OCA2: variants seen among roughly 807,000 people sequenced by gnomAD.
OCA2 encodes the protein OCA2 melanosomal transmembrane protein, also known as P protein.
A neutral mutation model predicts 100.2 loss-of-function variants in OCA2; 77 were observed. The observed-to-expected ratio is 0.77, with a 90% CI of 0.64 to 0.93. The LOEUF is 0.93. Among genes scored for constraint, OCA2 ranks in the 40% least tolerant of loss-of-function variants. The pLI is 0.00. For missense variants in OCA2, 1,062 were observed against 1,089.1 expected (o/e 0.98, Z 0.35); for synonymous variants, 432 against 439.2 (o/e 0.98, Z 0.21).
rs142851429 is a variant in OCA2 at position 27,973,149 on chromosome 15, C to T, written c.1504-6327G>A. 3.2e-3 allele frequency among the ~76,000 whole-genome samples: 487 copies of T among 152,210 alleles called. 19 individuals carry two copies. The East Asian group carries it at 0.089, about 28-fold the overall frequency. ...CCTCCCAAAGTGCTGGGATTACAGG[C>T]GTGAGCCACCATGCCCAGTCTGCAT... On this transcript the variant is annotated intron_variant, in intron 14 of 23. Transcript: ENST00000354638.
In OCA2 at chr15:27,844,955, G is replaced by C; in HGVS notation, c.2432+4C>G. ...CAGAAAATTTAAAGGGAATTTAAAAGTACCTGAAAAATTCCATGAAGGAGA... is the reference window on the plus strand; with the variant it reads ...CAGAAAATTTAAAGGGAATTTAAAACTACCTGAAAAATTCCATGAAGGAGA... On this transcript the variant is annotated splice_donor_region_variant and intron_variant, in intron 23 of 23. Coordinates refer to ENST00000354638, the MANE Select transcript of OCA2 (RefSeq NM_000275.3). 2 of 1,602,432 alleles carry C rather than the reference G, an allele frequency of 1.2e-6. No homozygotes were observed. Among genetic ancestry groups the C allele is most frequent in the South Asian group, 2.2e-5 (2 of 90,794 alleles).
chr15:28,033,826 C>A (rs1254744999), intron 2 of OCA2, among the ~76,000 whole-genome samples: 1 of 152,172 alleles, frequency 6.6e-6, no homozygotes, highest in Non-Finnish European at 1.5e-5. Flanking sequence ...AACTATAAAT[C>A]TGTAACTGTA....
chr15:28,022,908 G>A (rs1396751765), intron 5 of OCA2, among the ~76,000 whole-genome samples: 2 of 152,166 alleles, frequency 1.3e-5, no homozygotes, highest in East Asian at 3.8e-4. Context: ...ATGTGTTTGT[G>A]GTAGCAGGTG....
intron 23 of OCA2, among the ~76,000 whole-genome samples, chr15:27,788,410 T>G (rs2032921936): frequency 6.6e-6 from 1 of 152,132 alleles, no homozygotes; most frequent in Non-Finnish European, 1.5e-5. Context: ...TATATCATCC[T>G]GATTTATTGA....
At chr15:27,798,775 G>C (rs922915823) in intron 23 of OCA2, among the ~76,000 whole-genome samples, 1 of 152,168 alleles carries the variant, frequency 6.6e-6, no homozygotes, top group Admixed American at 6.5e-5. Context: ...AAAATAACAC[G>C]CAAGGTAACT....
intron 22 of OCA2, among the ~76,000 whole-genome samples, chr15:27,847,979 G>A (rs1456890528): frequency 6.6e-6 from 1 of 152,194 alleles, no homozygotes; most frequent in Non-Finnish European, 1.5e-5. Context: ...CACAGAGCCG[G>A]CCCACACTCA....
chr15:27,882,286 C>A (rs1275124456), intron 19 of OCA2, among the ~76,000 whole-genome samples: 1 of 152,190 alleles, frequency 6.6e-6, no homozygotes, highest in Non-Finnish European at 1.5e-5. Context: ...ATAATTTACA[C>A]TGATCTATTT....
At chr15:27,876,122 A>G (rs1014131085) in intron 19 of OCA2, among the ~76,000 whole-genome samples, 1 of 152,084 alleles carries the variant, frequency 6.6e-6, no homozygotes, top group Admixed American at 6.6e-5. Context: ...GTTTTTCGCC[A>G]TGAAGTATAA....
the OCA2 span, among the ~76,000 whole-genome samples, chr15:27,730,754 T>C: frequency 9.5e-6 from 1 of 104,910 alleles, no homozygotes. Context: ...TATATATATA[T>C]ATATATATAT....
At chr15:27,779,602 T>A (rs1265845662) in intron 23 of OCA2, among the ~76,000 whole-genome samples, 1 of 152,206 alleles carries the variant, frequency 6.6e-6, no homozygotes, top group East Asian at 1.9e-4. Context: ...TAGTTACCAT[T>A]TGCACAGAAT....
chr15:27,719,512 A>AGTG, the OCA2 span, among the ~76,000 whole-genome samples: 1 of 152,184 alleles, frequency 6.6e-6, no homozygotes, highest in Non-Finnish European at 1.5e-5. Flanking sequence ...CCACACATAC[A>AGTG]TGCACGTACA....
chr15:27,836,369 A>G (rs1485979395), intron 23 of OCA2, among the ~76,000 whole-genome samples: 1 of 152,054 alleles, frequency 6.6e-6, no homozygotes, highest in Non-Finnish European at 1.5e-5. Flanking sequence ...CAAGAAAAAT[A>G]GCCTGTTTTT....
intron 23 of OCA2, among the ~76,000 whole-genome samples, chr15:27,816,110 G>A (rs1243209599): frequency 1.3e-5 from 2 of 152,020 alleles, no homozygotes; most frequent in Non-Finnish European, 2.9e-5. Context: ...CTCCAGCCTG[G>A]GCAACAAGAG....
At chr15:28,001,500 G>A (rs545385296) in intron 9 of OCA2, among the ~76,000 whole-genome samples, 1 of 152,268 alleles carries the variant, frequency 6.6e-6, no homozygotes, top group African/African-American at 2.4e-5. Flanking sequence ...TGGGCACTGG[G>A]GCAGTGTGGT....
intron 1 of OCA2, chr15:28,098,990 G>A: frequency 6.5e-6 from 1 of 153,278 alleles, no homozygotes; most frequent in Non-Finnish European, 1.5e-5. Context: ...TTCCTGGGTC[G>A]CCTGGCAGAG....
chr15:27,768,008 T>C (rs988452855), intron 23 of OCA2, among the ~76,000 whole-genome samples: 11 of 152,194 alleles, frequency 7.2e-5, no homozygotes, highest in South Asian at 2.1e-4. Flanking sequence ...GGGGGAATAG[T>C]GTACTGGACA....
intron 14 of OCA2, among the ~76,000 whole-genome samples, chr15:27,980,971 T>C (rs1009252103): frequency 4.6e-5 from 7 of 152,218 alleles, no homozygotes; most frequent in Non-Finnish European, 8.8e-5. Context: ...TCCGTTCCCC[T>C]CTCTCCTTCA....
At position 27,871,157 on chromosome 15, in the gene OCA2, G is replaced by A; in HGVS notation, c.2241C>T (p.Thr747=). Residue 747 remains threonine (T), a synonymous_variant, in exon 21 of 24, where the codon ACC becomes ACT. Transcript: ENST00000354638. The stretch of plus-strand genomic sequence containing the variant: ...GACATGGACATGTGCAACTCACCAT[G>A]GTAGCAGTGAACGGGATGTTGTCAA... ...SLIDNIPFTA[T]MIPVLLNLSH... is the part of the protein sequence containing the mutation. 6.2e-7 allele frequency: 1 copy of A among 1,611,170 alleles called. No individual in the cohort carries two copies. The highest frequency in any genetic ancestry group is 8.5e-7 in the Non-Finnish European group (1 of 1,177,270).
At chr15:27,814,510 A>C (rs1018494656) in intron 23 of OCA2, among the ~76,000 whole-genome samples, 1 of 152,216 alleles carries the variant, frequency 6.6e-6, no homozygotes, top group African/African-American at 2.4e-5. Context: ...TGAGGTACTT[A>C]AAAGGTAAGT....
Sources: allele counts gnomAD v4.1 joint callset (sites outside exome capture counted in the v4.1 genomes callset), GRCh38; gene constraint gnomAD v4.1.1; transcripts MANE v1.5; gene names NCBI Gene and HGNC (gene_info 2026-07-23, HGNC 2026-07-21).